FBXL13: variants seen among roughly 807,000 people sequenced by gnomAD.
FBXL13 encodes F-box and leucine-rich repeat protein 13.
A neutral mutation model predicts 83.6 loss-of-function variants in FBXL13; 67 were observed. The ratio of observed to expected loss-of-function variants is 0.80; its 90% confidence interval spans 0.66 to 0.98. FBXL13 has a LOEUF of 0.98. Ranked by LOEUF, FBXL13 falls within the 50% of genes least tolerant of loss-of-function variation. The pLI is 0.00. For synonymous variants in FBXL13, 272 were observed against 299.5 expected (o/e 0.91, Z 0.95); for missense variants, 822 against 866.5 (o/e 0.95, Z 0.64).
intron 6 of FBXL13, chr7:102,988,623 G>A (rs1829245094): frequency 6.6e-6 from 1 of 152,232 alleles, no homozygotes; most frequent in Admixed American, 6.5e-5. Flanking sequence ...AGGAGTCTCA[G>A]CACAGAGCAT....
At chr7:102,823,109 TATTTTC>T (rs1234062435) in intron 18 of FBXL13, among the ~76,000 whole-genome samples, 3 of 152,116 alleles carry the variant, frequency 2.0e-5, no homozygotes, top group Admixed American at 2.0e-4. Context: ...ATTTTGCTGT[TATTTTC>T]ATTTAAGAGT....
intron 17 of FBXL13, among the ~76,000 whole-genome samples, chr7:102,848,512 C>T (rs1278604604): frequency 2.7e-5 from 1 of 36,908 alleles, no homozygotes; most frequent in Non-Finnish European, 4.0e-5. Context: ...GCCGAGATTG[C>T]GCCACTGCAC....
intron 11 of FBXL13, among the ~76,000 whole-genome samples, chr7:102,903,204 T>C (rs1813196865): frequency 6.6e-6 from 1 of 152,104 alleles, no homozygotes; most frequent in South Asian, 2.1e-4. Flanking sequence ...TACATTTTTA[T>C]TTCTTTTTCA....
chr7:102,908,899 GCTA>G (rs1253084281), intron 11 of FBXL13, among the ~76,000 whole-genome samples: 1 of 152,178 alleles, frequency 6.6e-6, no homozygotes, highest in African/African-American at 2.4e-5. Flanking sequence ...CCACTTCCTG[GCTA>G]CTGCCATTGT....
intron 18 of FBXL13, chr7:102,827,184 C>T: frequency 2.2e-6 from 1 of 453,514 alleles, no homozygotes; most frequent in Non-Finnish European, 4.4e-6. Flanking sequence ...TGTGTTACTG[C>T]CCTTGAAGCA....
chr7:102,925,949 A>T (rs927768277), intron 10 of FBXL13, among the ~76,000 whole-genome samples: 3 of 152,056 alleles, frequency 2.0e-5, no homozygotes, highest in South Asian at 2.1e-4. Flanking sequence ...TCAAAAAAAA[A>T]AAAAAAAAAA....
downstream of FBXL13, among the ~76,000 whole-genome samples, chr7:102,812,067 C>T (rs769980688): frequency 3.9e-5 from 6 of 152,116 alleles, no homozygotes; most frequent in Middle Eastern, 3.2e-3. Flanking sequence ...ATTAACTCCA[C>T]GTGAGAGATA....
chr7:102,914,440 G>C (rs1274142293), intron 10 of FBXL13, among the ~76,000 whole-genome samples: 1 of 152,166 alleles, frequency 6.6e-6, no homozygotes, highest in Non-Finnish European at 1.5e-5. Flanking sequence ...TAGCAATCAT[G>C]CTCTTAGTTT....
intron 6 of FBXL13, among the ~76,000 whole-genome samples, chr7:103,011,842 G>A (rs866372135): frequency 2.0e-5 from 3 of 152,192 alleles, no homozygotes; most frequent in Middle Eastern, 3.4e-3. Context: ...AGAAATATGG[G>A]ATTATGTAAA....
intron 1 of FBXL13, among the ~76,000 whole-genome samples, chr7:103,070,703 GA>G (rs1798868248): frequency 6.6e-6 from 1 of 152,210 alleles, no homozygotes. Flanking sequence ...ACTCACTGCA[GA>G]AGGCAAAGGG....
At position 102,884,301 on chromosome 7, in the gene FBXL13, T is replaced by A. The variant is rs533077981; in HGVS notation, c.1020A>T (p.Gln340His). The A allele has an allele frequency of 1.7e-5, 27 of 1,613,338 alleles. No homozygotes were observed. In the South Asian group the frequency reaches 2.6e-4, roughly 16 times the overall value. ...AGCTGTTTGCAATGTACCTGAAGCC[T>A]TGGACTGAAATCTGAATTGTACAGA... The change falls in exon 12 of 20, where the codon CAA becomes CAT. Residue 340 changes from glutamine to histidine, a missense_variant. Physicochemically the swap from Gln to His is conservative, Grantham distance 24. Coordinates refer to ENST00000313221, the Ensembl canonical transcript of FBXL13.
intron 8 of FBXL13, among the ~76,000 whole-genome samples, 166 bp from the exon 10 acceptor site, chr7:102,932,099 T>G (rs1034204786): frequency 3.3e-5 from 5 of 152,180 alleles, no homozygotes; most frequent in African/African-American, 1.2e-4. Context: ...ATGGCTTTTT[T>G]GGGCTTCAGA....
chr7:102,979,909 T>C (rs1827974466), intron 6 of FBXL13, among the ~76,000 whole-genome samples: 1 of 152,120 alleles, frequency 6.6e-6, no homozygotes, highest in Admixed American at 6.5e-5. Flanking sequence ...ATAACAGAAA[T>C]TGAATCAGAA....
intron 6 of FBXL13, among the ~76,000 whole-genome samples, chr7:103,003,846 G>C (rs144216654): frequency 6.9e-4 from 105 of 152,278 alleles, no homozygotes; most frequent in Non-Finnish European, 1.2e-3. Context: ...TAAAGTGCTG[G>C]GATTACAGGC....
chr7:103,012,432 A>G (rs1186311699), intron 6 of FBXL13, among the ~76,000 whole-genome samples: 1 of 151,888 alleles, frequency 6.6e-6, no homozygotes, highest in African/African-American at 2.4e-5. Flanking sequence ...TGCTAAGAGA[A>G]CCCCATCAGG....
At chr7:102,968,804 C>T (rs1585177281) in intron 6 of FBXL13, among the ~76,000 whole-genome samples, 1 of 152,260 alleles carries the variant, frequency 6.6e-6, no homozygotes, top group Middle Eastern at 3.4e-3. Context: ...ATGGTTGCTG[C>T]TTTTCATAAT....
intron 2 of FBXL13, among the ~76,000 whole-genome samples, chr7:103,048,716 A>G (rs1323338886): frequency 6.6e-6 from 1 of 152,240 alleles, no homozygotes; most frequent in Non-Finnish European, 1.5e-5. Context: ...AAAACTGAAC[A>G]ATACACTTTT....
At chr7:102,845,857 G>A (rs140489006) in intron 17 of FBXL13, among the ~76,000 whole-genome samples, 1 of 152,214 alleles carries the variant, frequency 6.6e-6, no homozygotes, top group Non-Finnish European at 1.5e-5. Context: ...TCCCATGCTG[G>A]ATTAGGTACC....
intron 16 of FBXL13, among the ~76,000 whole-genome samples, chr7:102,865,545 GTTTT>G (rs1255634067): frequency 2.6e-5 from 4 of 151,514 alleles, no homozygotes; most frequent in Non-Finnish European, 5.9e-5. Context: ...TTGATTGTTT[GTTTT>G]TGTTTTTGTT....
Sources: allele counts gnomAD v4.1 joint callset (sites outside exome capture counted in the v4.1 genomes callset), GRCh38; gene constraint gnomAD v4.1.1; transcripts MANE v1.5; gene names NCBI Gene and HGNC (gene_info 2026-07-23, HGNC 2026-07-21).